Variants in SCHIP1 observed in about 807,000 individuals in gnomAD.
The protein encoded by SCHIP1 is schwannomin-interacting protein 1.
In SCHIP1, 8 loss-of-function variants were observed where a neutral mutation model predicts 29.7. The ratio of observed to expected loss-of-function variants is 0.27; its 90% CI spans 0.16 to 0.49. The LOEUF (loss-of-function observed/expected upper bound fraction) is 0.49, where lower values mean the gene tolerates loss of function less well. SCHIP1 is among the 20% of genes least tolerant of loss of function. The probability of loss-of-function intolerance (pLI) is 0.99; values close to 1 mark genes in which losing one functional copy is unlikely to be tolerated. For missense variants in SCHIP1, 193 were observed against 294.6 expected (o/e 0.66, Z 2.52); for synonymous variants, 76 against 94.9 (o/e 0.80, Z 1.16).
the SCHIP1 span, among the ~76,000 whole-genome samples, chr3:159,466,524 A>G: frequency 6.6e-6 from 1 of 152,204 alleles, no homozygotes; most frequent in Non-Finnish European, 1.5e-5. Flanking sequence ...AGAACACTCC[A>G]TAAGTGGTAG....
the SCHIP1 span, among the ~76,000 whole-genome samples, chr3:159,443,566 T>C: frequency 6.6e-6 from 1 of 152,204 alleles, no homozygotes; most frequent in South Asian, 2.1e-4. Flanking sequence ...TGGAGTACAG[T>C]GGTGCCATCT....
chr3:159,427,735 G>A, the SCHIP1 span, among the ~76,000 whole-genome samples: 27 of 151,632 alleles, frequency 1.8e-4, no homozygotes, highest in Middle Eastern at 3.4e-3. Context: ...CCGCATCACC[G>A]AGTCAATCCT....
the SCHIP1 span, among the ~76,000 whole-genome samples, chr3:159,554,772 C>A: frequency 1.3e-5 from 2 of 151,924 alleles, no homozygotes; most frequent in South Asian, 4.2e-4. Context: ...CATCTCTGGG[C>A]TGCCTTGTGT....
the SCHIP1 span, among the ~76,000 whole-genome samples, chr3:159,788,172 G>A: frequency 7.2e-5 from 11 of 152,052 alleles, no homozygotes; most frequent in South Asian, 2.1e-4. Context: ...GATGAGTGTC[G>A]GCCTCAAAGT....
the SCHIP1 span, among the ~76,000 whole-genome samples, chr3:159,652,349 G>A: frequency 6.6e-6 from 1 of 152,198 alleles, no homozygotes; most frequent in African/African-American, 2.4e-5. Flanking sequence ...TTAATGTAGT[G>A]TTAGACACCG....
chr3:159,685,304 C>T, the SCHIP1 span, among the ~76,000 whole-genome samples: 56 of 152,240 alleles, frequency 3.7e-4, no homozygotes, highest in Middle Eastern at 6.8e-3. Flanking sequence ...TTACAGAAAA[C>T]ATAACATAAA....
chr3:159,484,607 G>A, the SCHIP1 span, among the ~76,000 whole-genome samples: 20 of 152,092 alleles, frequency 1.3e-4, 1 homozygote, highest in South Asian at 1.5e-3. Flanking sequence ...TCTTAAATGC[G>A]GGCATTTATC....
At chr3:159,476,590 A>T in the SCHIP1 span, among the ~76,000 whole-genome samples, 1 of 152,200 alleles carries the variant, frequency 6.6e-6, no homozygotes, top group Admixed American at 6.5e-5. Context: ...AAAACAAAGC[A>T]CAATAAAAAC....
chr3:159,814,699 C>T, the SCHIP1 span, among the ~76,000 whole-genome samples: 1 of 152,220 alleles, frequency 6.6e-6, no homozygotes, highest in Non-Finnish European at 1.5e-5. Context: ...TATCAGCTCT[C>T]ATCTTCACTG....
chr3:159,647,435 A>G, the SCHIP1 span, among the ~76,000 whole-genome samples: 4 of 152,264 alleles, frequency 2.6e-5, no homozygotes, highest in East Asian at 7.7e-4. Flanking sequence ...ACAAGGCTAC[A>G]GGGAAGGGGA....
At chr3:159,879,970 G>A (rs1332955698) in intron 2 of SCHIP1, among the ~76,000 whole-genome samples, 1 of 152,206 alleles carries the variant, frequency 6.6e-6, no homozygotes, top group African/African-American at 2.4e-5. Flanking sequence ...ATGTGAACAT[G>A]TACAGATGGA....
At chr3:159,718,951 C>T in the SCHIP1 span, among the ~76,000 whole-genome samples, 1 of 152,128 alleles carries the variant, frequency 6.6e-6, no homozygotes, top group African/African-American at 2.4e-5. Flanking sequence ...AAGAACAAGG[C>T]TGGAGGCATC....
chr3:159,477,162 A>C, the SCHIP1 span, among the ~76,000 whole-genome samples: 1 of 152,178 alleles, frequency 6.6e-6, no homozygotes, highest in South Asian at 2.1e-4. Flanking sequence ...CATAGTGTAT[A>C]TATTCCACAT....
the SCHIP1 span, among the ~76,000 whole-genome samples, chr3:159,630,813 A>G: frequency 0.043 from 6,507 of 152,280 alleles, 318 homozygotes; most frequent in East Asian, 0.17. Context: ...AGAAATCGCC[A>G]CTAAAGAACT....
At chr3:159,495,945 T>C in the SCHIP1 span, among the ~76,000 whole-genome samples, 1 of 152,182 alleles carries the variant, frequency 6.6e-6, no homozygotes, top group East Asian at 1.9e-4. Flanking sequence ...TCAGAAATAA[T>C]GCCGCATATC....
chr3:159,859,896 G>A (rs1185946855), intron 1 of SCHIP1, among the ~76,000 whole-genome samples: 2 of 152,314 alleles, frequency 1.3e-5, no homozygotes, highest in South Asian at 2.1e-4. Context: ...AATAGACTGT[G>A]TACTTACAAG....
the SCHIP1 span, among the ~76,000 whole-genome samples, chr3:159,364,975 A>G: frequency 2.0e-5 from 3 of 152,298 alleles, no homozygotes; most frequent in East Asian, 3.9e-4. Context: ...AAATTGTTTC[A>G]GTGCAAAATG....
At chr3:159,437,841 A>C in the SCHIP1 span, among the ~76,000 whole-genome samples, 1 of 152,188 alleles carries the variant, frequency 6.6e-6, no homozygotes, top group African/African-American at 2.4e-5. Context: ...TCTTTGAGAA[A>C]GATACTAGTA....
the SCHIP1 span, among the ~76,000 whole-genome samples, chr3:159,429,474 C>T: frequency 6.6e-6 from 1 of 152,082 alleles, no homozygotes; most frequent in Non-Finnish European, 1.5e-5. Flanking sequence ...CTTCTCATTC[C>T]AATAAATTAT....
Sources: gnomAD v4.1 joint callset for allele counts (sites outside exome capture counted in the v4.1 genomes callset) on GRCh38, gnomAD v4.1.1 for gene constraint, MANE v1.5 for transcripts, NCBI Gene and HGNC (gene_info 2026-07-23, HGNC 2026-07-21) for gene names.